Variants in RARB observed in about 807,000 individuals in gnomAD.
The protein encoded by RARB is retinoic acid receptor beta, also known as HBV-activated protein.
Under a neutral mutation model 51.9 loss-of-function variants are expected in RARB, and 17 were observed. That is an observed-to-expected ratio of 0.33 (90% CI 0.22 to 0.49). The LOEUF is 0.49. RARB is among the 20% of genes least tolerant of loss of function. RARB has a pLI of 0.99. For synonymous variants in RARB, 215 were observed against 195.4 expected (o/e 1.10, Z -0.84); for missense variants, 369 against 550.8 (o/e 0.67, Z 3.30).
At chr3:25,007,683 G>C (rs1697305887) in intron 2 of RARB, among the ~76,000 whole-genome samples, 1 of 150,402 alleles carries the variant, frequency 6.6e-6, no homozygotes, top group Admixed American at 6.7e-5. Context: ...AAGTTCTAAT[G>C]AGTACTGCCT....
intron 2 of RARB, among the ~76,000 whole-genome samples, chr3:24,951,606 T>C (rs1402033873): frequency 2.0e-5 from 3 of 152,190 alleles, no homozygotes; most frequent in East Asian, 3.9e-4. Context: ...AGGCATCCAT[T>C]GTGAGGCTCT....
intron 2 of RARB, among the ~76,000 whole-genome samples, chr3:24,949,174 A>G (rs1371646438): frequency 6.6e-6 from 1 of 152,160 alleles, no homozygotes; most frequent in East Asian, 1.9e-4. Flanking sequence ...TTTTAGAACC[A>G]GAGCTTTCCA....
At chr3:24,886,420 TC>T (rs1703267004) in intron 2 of RARB, among the ~76,000 whole-genome samples, 1 of 149,526 alleles carries the variant, frequency 6.7e-6, no homozygotes, top group African/African-American at 2.5e-5. Context: ...TGCCCTGACC[TC>T]CCAGCATAAA....
intron 5 of RARB, among the ~76,000 whole-genome samples, chr3:25,326,453 C>A (rs1191088847): frequency 6.6e-6 from 1 of 152,148 alleles, no homozygotes; most frequent in Non-Finnish European, 1.5e-5. Context: ...AGACAATTGT[C>A]TAATTTAGAC....
intron 2 of RARB, among the ~76,000 whole-genome samples, chr3:25,017,958 A>G: frequency 6.6e-6 from 1 of 152,186 alleles, no homozygotes; most frequent in East Asian, 1.9e-4. Flanking sequence ...GTGCAATGGA[A>G]AAGGCTGTCT....
At chr3:25,538,078 C>CT (rs929282618) in intron 3 of RARB, among the ~76,000 whole-genome samples, 2 of 149,796 alleles carry the variant, frequency 1.3e-5, no homozygotes, top group African/African-American at 2.5e-5. Context: ...AACAATGAAA[C>CT]TTTTTTTTTT....
intron 4 of RARB, among the ~76,000 whole-genome samples, chr3:25,152,606 TA>T (rs1375392951): frequency 1.3e-5 from 2 of 152,210 alleles, no homozygotes; most frequent in Non-Finnish European, 2.9e-5. Context: ...AATACACATT[TA>T]ATTATAAAAT....
At chr3:24,960,101 C>A (rs1470368963) in intron 2 of RARB, among the ~76,000 whole-genome samples, 3 of 152,138 alleles carry the variant, frequency 2.0e-5, no homozygotes, top group Admixed American at 6.5e-5. Flanking sequence ...TCCTCCTCTT[C>A]TAGTTTCTCC....
intron 5 of RARB, among the ~76,000 whole-genome samples, chr3:25,334,443 A>G (rs1372177087): frequency 6.6e-6 from 1 of 152,052 alleles, no homozygotes; most frequent in African/African-American, 2.4e-5. Flanking sequence ...AAAAGCAAAC[A>G]CCGCATGTTC....
chr3:24,921,991 T>C (rs930594416), intron 2 of RARB, among the ~76,000 whole-genome samples: 1 of 152,222 alleles, frequency 6.6e-6, no homozygotes, highest in African/African-American at 2.4e-5. Flanking sequence ...AGTACTGTCC[T>C]AGGGCCAAGG....
rs561540610 is a variant in RARB at position 25,089,166 on chromosome 3, A to G, written c.-328+28990A>G. On this transcript the variant is annotated intron_variant, in intron 3 of 11. Transcript: ENST00000383772. Reference sequence around the variant, plus strand: ...TTTTTTTTTTAAACAAATTCATTGTAAAGAACAGACTTTATAATTTATTTT... The same window carrying G: ...TTTTTTTTTTAAACAAATTCATTGTGAAGAACAGACTTTATAATTTATTTT... Among the ~76,000 whole-genome samples the G allele has an allele frequency of 1.2e-3, 179 of 152,186 alleles. 2 individuals are homozygous for G. Among genetic ancestry groups the G allele is most frequent in the African/African-American group, 4.1e-3 (170 of 41,542 alleles).
chr3:25,146,770 T>C (rs1432782844), intron 4 of RARB, among the ~76,000 whole-genome samples: 3 of 151,948 alleles, frequency 2.0e-5, no homozygotes, highest in South Asian at 2.1e-4. Context: ...CCGCCCACCT[T>C]GGCCTCCCAA....
At chr3:25,329,045 C>T (rs1471092823) in intron 5 of RARB, among the ~76,000 whole-genome samples, 2 of 152,172 alleles carry the variant, frequency 1.3e-5, no homozygotes, top group Non-Finnish European at 2.9e-5. Context: ...CAGGGTGGAA[C>T]CCACTGCAGC....
intron 2 of RARB, among the ~76,000 whole-genome samples, chr3:25,042,781 GT>G (rs1698139644): frequency 6.6e-6 from 1 of 152,194 alleles, no homozygotes; most frequent in African/African-American, 2.4e-5. Flanking sequence ...TCTGTGATAA[GT>G]TTTTCAATTC....
At chr3:25,083,350 A>G (rs1213973206) in intron 3 of RARB, among the ~76,000 whole-genome samples, 2 of 152,014 alleles carry the variant, frequency 1.3e-5, no homozygotes, top group African/African-American at 4.8e-5. Flanking sequence ...TTCCATTTTT[A>G]GCATCGTGCT....
intron 2 of RARB, among the ~76,000 whole-genome samples, chr3:25,043,280 T>G: frequency 6.6e-6 from 1 of 152,206 alleles, no homozygotes; most frequent in East Asian, 1.9e-4. Context: ...TATTTAGCAG[T>G]CACATAAAAT....
intron 5 of RARB, among the ~76,000 whole-genome samples, chr3:25,401,410 T>C (rs1707259996): frequency 6.6e-6 from 1 of 152,200 alleles, no homozygotes; most frequent in African/African-American, 2.4e-5. Context: ...CGTTCCTCGC[T>C]CTACCAAAAC....
At chr3:25,414,624 T>C (rs1316382730) in intron 5 of RARB, among the ~76,000 whole-genome samples, 2 of 152,216 alleles carry the variant, frequency 1.3e-5, no homozygotes, top group African/African-American at 2.4e-5. Flanking sequence ...TGGTGTCTTA[T>C]TGTGGTTTTA....
At chr3:25,320,757 T>TTTTG (rs1339289107) in intron 5 of RARB, among the ~76,000 whole-genome samples, 1 of 152,228 alleles carries the variant, frequency 6.6e-6, no homozygotes, top group Non-Finnish European at 1.5e-5. Context: ...TGGGGTTTAC[T>TTTTG]TTTGTTTGTT....
Sources: allele counts gnomAD v4.1 joint callset (sites outside exome capture counted in the v4.1 genomes callset), GRCh38; gene constraint gnomAD v4.1.1; transcripts MANE v1.5; gene names NCBI Gene and HGNC (gene_info 2026-07-23, HGNC 2026-07-21).